Variants in FBXO2 observed in about 807,000 individuals in gnomAD.
The protein encoded by FBXO2 is F-box protein 2.
In FBXO2, 32 loss-of-function variants were observed where a neutral mutation model predicts 38.6. That is an observed-to-expected ratio of 0.83 (90% CI 0.62 to 1.11). FBXO2 has a LOEUF of 1.11. Among genes scored for constraint, FBXO2 ranks in the 50% most tolerant of loss-of-function variants. FBXO2 has a pLI of 0.00. For synonymous variants in FBXO2, 189 were observed against 182.9 expected (o/e 1.03, Z -0.27); for missense variants, 450 against 418.3 (o/e 1.08, Z -0.66).
chr1:11,654,195 G>A, intron 1 of FBXO2, 124 bp downstream of exon 1: 3 of 1,090,702 alleles, frequency 2.8e-6, no homozygotes, highest in Non-Finnish European at 3.8e-6. Flanking sequence ...GGGCTTCGCT[G>A]GCGTGAAAGT....
At position 11,650,006 on chromosome 1, in the gene FBXO2, C is replaced by G; in HGVS notation, c.460G>C (p.Asp154His). 6.2e-7 allele frequency: 1 copy of G among 1,614,074 alleles called. No individual in the cohort carries two copies. Among genetic ancestry groups the G allele is most frequent in the Non-Finnish European group, 8.5e-7 (1 of 1,180,022 alleles). The change falls in exon 3 of 6, where the codon GAC becomes CAC. Residue 154 changes from aspartate to histidine, a missense_variant. By Grantham distance (81) the Asp-to-His change is moderately conservative (BLOSUM62 -1). Coordinates refer to ENST00000354287, the MANE Select transcript of FBXO2 (RefSeq NM_012168.6). ...DGWRVEELPGDSGVEFTHDES... is the reference protein window; with the variant it reads ...DGWRVEELPGHSGVEFTHDES... Reference sequence around the variant, plus strand: ...TCGTGGGTGAACTCCACCCCACTGTCTCCAGGCAGCTCCTCCACCCTCCAG... The same window carrying G: ...TCGTGGGTGAACTCCACCCCACTGTGTCCAGGCAGCTCCTCCACCCTCCAG...
At position 11,653,921 on chromosome 1, in the gene FBXO2, A is replaced by G. The variant is rs577445552; in HGVS notation, c.22+398T>C. The G allele has an allele frequency of 2.7e-5, 5 of 185,142 alleles. No homozygotes were observed. The East Asian group carries it at 5.6e-4, about 21-fold the overall frequency. The allele number at this position is 185,142 out of a possible 1,614,324, so 11.5% of individuals were successfully genotyped here. ...AGGTGAGGCCAGGCCTGGGACCCCA[A>G]GGAACCCACGGGGATTCAGACGGCC... On this transcript the variant is annotated intron_variant, in intron 1 of 5. Coordinates refer to ENST00000354287, the MANE Select transcript of FBXO2 (RefSeq NM_012168.6).
chr1:11,648,982 C>T lies in FBXO2; in HGVS notation c.756+105G>A, dbSNP rs1639465753. 1.4e-6 allele frequency: 2 copies of T among 1,383,280 alleles called. No homozygotes were observed. The highest frequency in any genetic ancestry group is 2.7e-5 in the South Asian group (2 of 74,754). The allele number at this position is 1,383,280 out of a possible 1,614,324, so 85.7% of individuals were successfully genotyped here. Reference sequence around the variant, plus strand: ...CACCCGGTGACTATCTCAGCCCAGCCCAGCCCAGCCCACCCCAGCCCAGGA... The same window carrying T: ...CACCCGGTGACTATCTCAGCCCAGCTCAGCCCAGCCCACCCCAGCCCAGGA... On this transcript the variant is annotated intron_variant, in intron 5 of 5. Transcript: ENST00000354287. This position sits in a 1 kb window ranked among gnomAD's most constrained non-coding sequence, Gnocchi z 4.2.
intron 1 of FBXO2, among the ~76,000 whole-genome samples, chr1:11,651,322 C>T (rs564551128): frequency 2.0e-5 from 3 of 152,250 alleles, no homozygotes; most frequent in African/African-American, 7.2e-5. Context: ...CTGGACCATA[C>T]GGAGCCTTAT....
chr1:11,650,502 G>A lies in FBXO2; in HGVS notation c.355C>T (p.Arg119Trp), dbSNP rs770802436. 1 of 1,608,008 alleles carries A rather than the reference G, an allele frequency of 6.2e-7. No homozygotes were observed. Reference protein sequence around the residue: ...HWQQFYFLSKRRRNLLRNPCG... With the variant: ...HWQQFYFLSKWRRNLLRNPCG... Reference sequence around the variant, plus strand: ...GGGTTACGCAGAAGGTTGCGGCGCCGCTTGCTCAGGAAGTAGAACTGCTGC... The same window carrying A: ...GGGTTACGCAGAAGGTTGCGGCGCCACTTGCTCAGGAAGTAGAACTGCTGC... Residue 119 changes from arginine (R) to tryptophan (W), a missense_variant, in exon 2 of 6, where the codon CGG becomes TGG. By Grantham distance (101) the Arg-to-Trp change is moderately radical. Transcript: ENST00000354287.
rs1377344598 is a variant in FBXO2, at chr1:11,650,459, C to G, written c.391+7G>C. ...GAAGCTGAGCTCGCCCAGCGAGGGCCTCTCACCTTCCCCACACGGGTTACG... is the reference window on the plus strand; with the variant it reads ...GAAGCTGAGCTCGCCCAGCGAGGGCGTCTCACCTTCCCCACACGGGTTACG... On this transcript the variant is annotated splice_region_variant and intron_variant, in intron 2 of 5. Coordinates refer to ENST00000354287, the MANE Select transcript of FBXO2 (RefSeq NM_012168.6). 4 of 1,607,334 alleles carry G rather than the reference C, an allele frequency of 2.5e-6. No individual in the cohort carries two copies. Among genetic ancestry groups the G allele is most frequent in the East Asian group, 2.2e-5 (1 of 44,684 alleles).
chr1:11,650,535 C>T lies in FBXO2; in HGVS notation c.322G>A (p.Asp108Asn), dbSNP rs1413863884. The T allele has an allele frequency of 1.4e-5, 23 of 1,602,330 alleles. No individual in the cohort carries two copies. In the East Asian group the frequency reaches 4.7e-4, roughly 33 times the overall value. ...AGGAAGTAGAACTGCTGCCAGTGGT[C>T]GCGCTCCTCCTCCACGCCGCCCTCG... Reference protein sequence around the residue: ...VPEGGVEEERDHWQQFYFLSK... With the variant: ...VPEGGVEEERNHWQQFYFLSK... Residue 108 changes from aspartate (D) to asparagine (N), a missense_variant, in exon 2 of 6, where the codon GAC becomes AAC. Transcript: ENST00000354287.
chr1:11,652,840 C>G (rs1639550455), intron 1 of FBXO2, among the ~76,000 whole-genome samples: 1 of 152,210 alleles, frequency 6.6e-6, no homozygotes, highest in African/African-American at 2.4e-5. Context: ...TCCTCCCTGC[C>G]CAACCCACAG....
chr1:11,650,447 C>A lies in FBXO2; in HGVS notation c.391+19G>T. The A allele has an allele frequency of 3.1e-6, 5 of 1,602,312 alleles. No homozygotes were observed. Among genetic ancestry groups the A allele is most frequent in the Non-Finnish European group, 4.3e-6 (5 of 1,174,368 alleles). ...TTCGCAGCAGGGGAAGCTGAGCTCG[C>A]CCAGCGAGGGCCTCTCACCTTCCCC... is the stretch of plus-strand genomic sequence containing the variant. On this transcript the variant is annotated intron_variant, in intron 2 of 5. Transcript: ENST00000354287.
rs1327910629 is a variant in FBXO2 at position 11,648,613 on chromosome 1, A to G, written c.*81T>C. ...GATGTGTGGCTTGGGGAAGGTGAGG[A>G]CGCTATGGACTAAGTTAAGGCCTAT... On this transcript the variant is annotated 3_prime_UTR_variant, in exon 6 of 6. Coordinates refer to ENST00000354287, the MANE Select transcript of FBXO2 (RefSeq NM_012168.6). This position sits in a 1 kb window ranked among gnomAD's most constrained non-coding sequence, Gnocchi z 4.2. The G allele has an allele frequency of 6.5e-7, 1 of 1,540,210 alleles. No individual in the cohort carries two copies. Among genetic ancestry groups the G allele is most frequent in the South Asian group, 1.2e-5 (1 of 85,130 alleles).
chr1:11,649,847 G>C lies in FBXO2; in HGVS notation c.549C>G (p.Asp183Glu). 6.2e-7 allele frequency: 1 copy of C among 1,614,074 alleles called. No individual in the cohort carries two copies. The highest frequency in any genetic ancestry group is 8.5e-7 in the Non-Finnish European group (1 of 1,180,026). The change falls in exon 4 of 6, where the codon GAC (aspartate) becomes GAG (glutamate). Residue 183 changes from aspartate to glutamate, a missense_variant. Transcript: ENST00000354287. ...CCTCCCAGTAGCCCTCAGCCTGCAG[G>C]TCAATGACCTGTGCTTTGCGACACC... ...FEWCRKAQVI[D>E]LQAEGYWEEL... is the part of the protein sequence containing the mutation.
chr1:11,649,733 C>T (rs774762167), intron 4 of FBXO2, 46 bp downstream of exon 4: 41 of 1,597,056 alleles, frequency 2.6e-5, no homozygotes, highest in Non-Finnish European at 2.9e-5. Context: ...TCCCCTCTGC[C>T]TTACCCCGCT....
Position 11,649,818 on chromosome 1 carries a change from A to G in FBXO2, c.578T>C (p.Leu193Pro). 1 of 1,613,902 alleles carries G rather than the reference A, an allele frequency of 6.2e-7. No individual in the cohort carries two copies. Among genetic ancestry groups the G allele is most frequent in the Non-Finnish European group, 8.5e-7 (1 of 1,179,986 alleles). The change falls in exon 4 of 6, where the codon CTG becomes CCG. Residue 193 changes from leucine (L) to proline (P), a missense_variant. Transcript: ENST00000354287. ...GATGGCCGGCTGAGTCGTGTCCAGC[A>G]GCTCCTCCCAGTAGCCCTCAGCCTG... is the stretch of plus-strand genomic sequence containing the variant. Reference protein sequence around the residue: ...DLQAEGYWEELLDTTQPAIVV... With the variant: ...DLQAEGYWEEPLDTTQPAIVV...
Position 11,650,511 on chromosome 1 carries a change from G to C in FBXO2, c.346C>G (p.Leu116Val), listed in dbSNP as rs769922523. The C allele has an allele frequency of 1.9e-6, 3 of 1,607,372 alleles. No individual in the cohort carries two copies. The highest frequency in any genetic ancestry group is 2.5e-6 in the Non-Finnish European group (3 of 1,177,860). ...ERDHWQQFYF[L>V]SKRRRNLLRN... is the part of the protein sequence containing the mutation. ...AGAAGGTTGCGGCGCCGCTTGCTCA[G>C]GAAGTAGAACTGCTGCCAGTGGTCG... Residue 116 changes from leucine (L) to valine (V), a missense_variant, in exon 2 of 6, where the codon CTG (leucine) becomes GTG (valine). Leu to Val is a conservative substitution (Grantham distance 32). Transcript: ENST00000354287.
In FBXO2 at chr1:11,654,306, A is replaced by G; in HGVS notation, c.22+13T>C. ...CCCTCCCCGCCGCAGCGAGCGGTCC[A>G]GGCGTCGGCTACCTGGGTCACCGTC... On this transcript the variant is annotated intron_variant, in intron 1 of 5. Coordinates refer to ENST00000354287, the MANE Select transcript of FBXO2 (RefSeq NM_012168.6). The G allele has an allele frequency of 6.7e-7, 1 of 1,485,844 alleles. No homozygotes were observed. Among genetic ancestry groups the G allele is most frequent in the South Asian group, 1.3e-5 (1 of 79,092 alleles). 92.0% of individuals were successfully genotyped at this position (1,485,844 alleles called of 1,614,324 possible). A position where few individuals can be genotyped will look rare whatever the true frequency, so the allele number is the denominator to read the frequency against.
chr1:11,650,934 G>A (rs61773907), intron 1 of FBXO2, 100 bp from the exon 2 acceptor site: 55,019 of 1,432,568 alleles, frequency 0.038, 1,225 homozygotes, highest in Non-Finnish European at 0.044. Flanking sequence ...CCCACCGTGG[G>A]ACAATCCACA....
chr1:11,651,168 T>G (rs754924587), intron 1 of FBXO2, among the ~76,000 whole-genome samples: 7 of 152,278 alleles, frequency 4.6e-5, no homozygotes, highest in Non-Finnish European at 1.0e-4. Context: ...ACACAGGAAC[T>G]TCTTTCTTCC....
chr1:11,650,467 T>A lies in FBXO2; in HGVS notation c.390A>T (p.Glu130Asp). 3.1e-6 allele frequency: 5 copies of A among 1,608,482 alleles called. No individual in the cohort carries two copies. The highest frequency in any genetic ancestry group is 4.2e-6 in the Non-Finnish European group (5 of 1,178,000). ...GCTCGCCCAGCGAGGGCCTCTCACC[T>A]TCCCCACACGGGTTACGCAGAAGGT... ...RRNLLRNPCG[E>D]EDLEGWCDVE... The change falls in exon 2 of 6, where the codon GAA (glutamate) becomes GAT (aspartate). Residue 130 changes from glutamate to aspartate, a missense_variant and splice_region_variant. By Grantham distance (45) the Glu-to-Asp change is conservative. Transcript: ENST00000354287.
rs968027075 is a variant in FBXO2 at position 11,648,993 on chromosome 1, C to G, written c.756+94G>C. ...TATCTCAGCCCAGCCCAGCCCAGCC[C>G]ACCCCAGCCCAGGAGCGCTGTGGGC... On this transcript the variant is annotated intron_variant, in intron 5 of 5. Coordinates refer to ENST00000354287, the MANE Select transcript of FBXO2 (RefSeq NM_012168.6). This position sits in a 1 kb window ranked among gnomAD's most constrained non-coding sequence, Gnocchi z 4.2. 3 of 1,443,456 alleles carry G rather than the reference C, an allele frequency of 2.1e-6. No individual in the cohort carries two copies. In the African/African-American group the frequency reaches 4.2e-5, roughly 20 times the overall value. 89.4% of individuals were successfully genotyped at this position (1,443,456 alleles called of 1,614,324 possible).
Sources: gnomAD v4.1 joint callset for allele counts (sites outside exome capture counted in the v4.1 genomes callset) on GRCh38, gnomAD v4.1.1 for gene constraint, Gnocchi (gnomAD v3.1) non-coding constraint, MANE v1.5 for transcripts, NCBI Gene and HGNC (gene_info 2026-07-23, HGNC 2026-07-21) for gene names.